Variants in NTN4 observed in about 807,000 individuals in gnomAD.
The protein encoded by NTN4 is netrin-4.
A neutral mutation model predicts 73.6 loss-of-function variants in NTN4; 32 were observed. The ratio of observed to expected loss-of-function variants is 0.44; its 90% CI spans 0.33 to 0.58. The LOEUF (loss-of-function observed/expected upper bound fraction) is 0.58. Ranked by LOEUF, NTN4 falls within the 20% of genes least tolerant of loss-of-function variation. The pLI is 0.04. For synonymous variants in NTN4, 258 were observed against 287.5 expected, an observed-to-expected ratio of 0.90 and a Z score of 1.04; for missense variants, 654 against 798.3, an observed-to-expected ratio of 0.82 and a Z score of 2.18.
intron 7 of NTN4, among the ~76,000 whole-genome samples, chr12:95,676,660 C>T (rs866027271): frequency 6.7e-6 from 1 of 150,120 alleles, no homozygotes; most frequent in African/African-American, 2.5e-5. Context: ...ACTGGACTCA[C>T]AAAGGCAGAA....
chr12:95,742,280 T>C (rs967162776), intron 2 of NTN4, among the ~76,000 whole-genome samples: 1 of 151,680 alleles, frequency 6.6e-6, no homozygotes, highest in African/African-American at 2.4e-5. Flanking sequence ...TGGATCACAA[T>C]GTCAGGAGTT....
chr12:95,734,363 C>G (rs551277047), intron 3 of NTN4, among the ~76,000 whole-genome samples: 9 of 152,264 alleles, frequency 5.9e-5, no homozygotes, highest in African/African-American at 2.2e-4. Flanking sequence ...GATTCTTAGG[C>G]CTCATCTCTA....
In NTN4 at chr12:95,683,513, C is replaced by T. The variant is rs1247651947; in HGVS notation, c.1379G>A (p.Gly460Glu). The change falls in exon 6 of 10, where the codon GGA (glycine) becomes GAA (glutamate). Residue 460 changes from glycine to glutamate, a missense_variant. Gly to Glu is a moderately conservative substitution (Grantham distance 98). Transcript: ENST00000343702. ...GCACATTCACCTGCTGATGCAGTCTCCGGTGATAGGGTCACAGCTCCCCGC... is the reference window on the plus strand; with the variant it reads ...GCACATTCACCTGCTGATGCAGTCTTCGGTGATAGGGTCACAGCTCCCCGC... The part of the protein sequence containing the change: ...DCAGSCDPIT[G>E]DCISSHTDID... 3 of 1,613,956 alleles carry T rather than the reference C, an allele frequency of 1.9e-6. No individual in the cohort carries two copies. The East Asian group carries it at 6.7e-5, about 36-fold the overall frequency.
chr12:95,739,459 T>C (rs2078806838), intron 2 of NTN4, among the ~76,000 whole-genome samples: 2 of 152,218 alleles, frequency 1.3e-5, no homozygotes, highest in Admixed American at 1.3e-4. Flanking sequence ...ACAAACAATA[T>C]GTCATATATT....
At chr12:95,738,262 C>T in intron 2 of NTN4, 118 bp from the exon 3 acceptor site, 1 of 1,027,150 alleles carries the variant, frequency 9.7e-7, no homozygotes, top group Non-Finnish European at 1.4e-6. Flanking sequence ...GATAAGATAA[C>T]AAGAAGTTTT....
chr12:95,686,909 G>A (rs185031438), intron 5 of NTN4, among the ~76,000 whole-genome samples: 89 of 152,310 alleles, frequency 5.8e-4, no homozygotes, highest in African/African-American at 2.1e-3. Flanking sequence ...ACAGTTGACC[G>A]TCTTAGCTAT....
chr12:95,786,854 T>C lies in NTN4; in HGVS notation c.585+85A>G, dbSNP rs2079170728. On this transcript the variant is annotated intron_variant, in intron 2 of 9. Coordinates refer to ENST00000343702, the MANE Select transcript of NTN4 (RefSeq NM_021229.4). ...CTAATTTCATTCATGTTGCTACAAG[T>C]ATAGCTTCATGCTTTAAAAAAAAAT... 6 of 1,038,692 alleles carry C rather than the reference T, an allele frequency of 5.8e-6. No homozygotes were observed. In the South Asian group the frequency reaches 7.7e-5, roughly 13 times the overall value. The allele number at this position is 1,038,692 out of a possible 1,614,324, so 64.3% of individuals were successfully genotyped here.
At position 95,738,073 on chromosome 12, in the gene NTN4, C is replaced by T. The variant is rs752970929; in HGVS notation, c.657G>A (p.Leu219=). Reference sequence around the variant, plus strand: ...GCTGCACGCGAAGGTTGGTGATCTTCAGCTGCTCCTGAACTTTGGCACTGT... The same window carrying T: ...GCTGCACGCGAAGGTTGGTGATCTTTAGCTGCTCCTGAACTTTGGCACTGT... ...NPYSAKVQEQ[L]KITNLRVQLL... is the part of the protein sequence containing the mutation. The change falls in exon 3 of 10, where the codon CTG becomes CTA. Residue 219 remains leucine, a synonymous_variant. Transcript: ENST00000343702. 2.4e-5 allele frequency: 39 copies of T among 1,614,024 alleles called. 1 individual carries two copies. The South Asian group carries it at 4.1e-4, about 17-fold the overall frequency.
At chr12:95,674,038 A>G (rs1220432960) in intron 7 of NTN4, 1 of 152,160 alleles carries the variant, frequency 6.6e-6, no homozygotes, top group Non-Finnish European at 1.5e-5. Flanking sequence ...AGTCCCAGCT[A>G]CCCGTGGAGG....
intron 7 of NTN4, chr12:95,672,765 G>C: frequency 7.5e-7 from 1 of 1,329,632 alleles, no homozygotes; most frequent in South Asian, 1.2e-5. Flanking sequence ...CCTCCTGTGA[G>C]AGTCTGAAGG....
chr12:95,682,888 CTA>C, intron 6 of NTN4, 66 bp from the exon 7 acceptor site: 3 of 912,244 alleles, frequency 3.3e-6, no homozygotes, highest in Non-Finnish European at 5.3e-6. Context: ...AGAAATGAAT[CTA>C]TAGAGATTTA....
chr12:95,769,914 AC>A (rs1329506443), intron 2 of NTN4, among the ~76,000 whole-genome samples: 1 of 151,736 alleles, frequency 6.6e-6, no homozygotes, highest in African/African-American at 2.4e-5. Context: ...GCGCCACCAC[AC>A]CCGGCTAATT....
At chr12:95,733,269 G>A (rs935634861) in intron 3 of NTN4, among the ~76,000 whole-genome samples, 1 of 152,162 alleles carries the variant, frequency 6.6e-6, no homozygotes. Context: ...AGAGAAAAAA[G>A]CTTAAGATCT....
At position 95,683,505 on chromosome 12, in the gene NTN4, T is replaced by C. The variant is rs768641998; in HGVS notation, c.1387A>G (p.Ile463Val). ...GSCDPITGDC[I>V]SSHTDIDWYH... ...AGAGCCTTGCACATTCACCTGCTGA[T>C]GCAGTCTCCGGTGATAGGGTCACAG... The change falls in exon 6 of 10, where the codon ATC becomes GTC. Residue 463 changes from isoleucine (I) to valine (V), a missense_variant. Ile to Val is a conservative substitution (Grantham distance 29). Coordinates refer to ENST00000343702, the MANE Select transcript of NTN4 (RefSeq NM_021229.4). 9 of 1,613,798 alleles carry C rather than the reference T, an allele frequency of 5.6e-6. No individual in the cohort carries two copies. The African/African-American group carries it at 1.1e-4, about 19-fold the overall frequency.
At chr12:95,698,985 T>C (rs1020187349) in intron 5 of NTN4, among the ~76,000 whole-genome samples, 2 of 151,880 alleles carry the variant, frequency 1.3e-5, no homozygotes, top group Non-Finnish European at 1.5e-5. Context: ...ATTTTCTCTA[T>C]TTCTCTCACT....
chr12:95,698,590 C>T (rs2078459103), intron 5 of NTN4, among the ~76,000 whole-genome samples: 1 of 152,160 alleles, frequency 6.6e-6, no homozygotes. Flanking sequence ...TGGCTCCAGC[C>T]TGTAATCCCA....
chr12:95,683,110 AGTGCAATG>A (rs1327833446), intron 6 of NTN4, among the ~76,000 whole-genome samples: 1 of 152,130 alleles, frequency 6.6e-6, no homozygotes, highest in Non-Finnish European at 1.5e-5. Flanking sequence ...CCCAGGCTGG[AGTGCAATG>A]GTGCAATCTT....
At chr12:95,746,522 C>T (rs911727918) in intron 2 of NTN4, among the ~76,000 whole-genome samples, 12 of 152,140 alleles carry the variant, frequency 7.9e-5, no homozygotes, top group African/African-American at 2.4e-4. Context: ...CAAAGTGTGG[C>T]GTTTTCTCTA....
chr12:95,731,365 C>T (rs1484565841), intron 3 of NTN4, among the ~76,000 whole-genome samples: 4 of 152,040 alleles, frequency 2.6e-5, no homozygotes, highest in East Asian at 1.9e-4. Context: ...GTCAGGAGTT[C>T]GAGACCAGCC....
Sources: gnomAD v4.1 joint callset for allele counts (sites outside exome capture counted in the v4.1 genomes callset) on GRCh38, gnomAD v4.1.1 for gene constraint, MANE v1.5 for transcripts, NCBI Gene and HGNC (gene_info 2026-07-23, HGNC 2026-07-21) for gene names.